Variants in DIAPH2 observed in about 807,000 individuals in gnomAD.
DIAPH2 encodes the protein protein diaphanous homolog 2.
Under a neutral mutation model 92.7 loss-of-function variants are expected in DIAPH2, and 35 were observed. The ratio of observed to expected loss-of-function variants is 0.38; its 90% confidence interval spans 0.29 to 0.50. The LOEUF (loss-of-function observed/expected upper bound fraction) is 0.50, where lower values mean the gene tolerates loss of function less well. Among genes scored for constraint, DIAPH2 ranks in the 20% least tolerant of loss-of-function variants. DIAPH2 has a pLI of 0.94. For missense variants in DIAPH2, 701 were observed against 819.5 expected (o/e 0.86, Z 1.77); for synonymous variants, 301 against 280.4 (o/e 1.07, Z -0.73).
In DIAPH2 at chrX:97,517,479, C is replaced by G. The variant is rs568412848; in HGVS notation, c.3242-81774C>G. 2.7e-5 allele frequency among the ~76,000 whole-genome samples: 3 copies of G among 111,511 alleles called. No individual in the cohort carries two copies. In the South Asian group the frequency reaches 1.1e-3, roughly 42 times the overall value. On this transcript the variant is annotated intron_variant, in intron 26 of 26. Coordinates refer to ENST00000324765, the MANE Select transcript of DIAPH2 (RefSeq NM_006729.5). ...GTAAGGCTGAGAATCATTGACAGAA[C>G]CTAAAGGGAGGGAAAAAAGTCATCT...
chrX:97,361,403 T>C (rs2069324286), intron 24 of DIAPH2, among the ~76,000 whole-genome samples: 1 of 112,089 alleles, frequency 8.9e-6, no homozygotes, highest in South Asian at 3.7e-4. Context: ...TATGTAGATA[T>C]TATTGCTCAA....
At chrX:97,473,483 C>T (rs1231898898) in intron 26 of DIAPH2, among the ~76,000 whole-genome samples, 1 of 111,071 alleles carries the variant, frequency 9.0e-6, no homozygotes, top group Non-Finnish European at 1.9e-5. Context: ...TACAGACGCC[C>T]GCCACCATGC....
intron 26 of DIAPH2, among the ~76,000 whole-genome samples, chrX:97,499,093 C>A (rs1442245064): frequency 9.0e-6 from 1 of 111,571 alleles, no homozygotes; most frequent in African/African-American, 3.3e-5. Context: ...GAAGGTAGAT[C>A]CAAGGAGAAG....
intron 4 of DIAPH2, among the ~76,000 whole-genome samples, chrX:96,814,141 C>G (rs1357930160): frequency 9.0e-6 from 1 of 111,694 alleles, no homozygotes; most frequent in African/African-American, 3.3e-5. Context: ...TTCCATTCTC[C>G]CTGTCACTTT....
intron 17 of DIAPH2, among the ~76,000 whole-genome samples, chrX:97,035,492 A>G (rs1416274702): frequency 8.9e-6 from 1 of 112,107 alleles, no homozygotes; most frequent in Non-Finnish European, 1.9e-5. Flanking sequence ...AACAGTAGCT[A>G]TCCTTCATTT....
chrX:96,720,294 T>C (rs867806696), intron 1 of DIAPH2, among the ~76,000 whole-genome samples: 8 of 111,556 alleles, frequency 7.2e-5, no homozygotes, highest in Admixed American at 5.7e-4. Context: ...AATTCTATCC[T>C]TCTGGGCTCA....
chrX:96,884,229 C>A, intron 5 of DIAPH2: 2 of 861,871 alleles, frequency 2.3e-6, no homozygotes, highest in Admixed American at 3.0e-5. Flanking sequence ...AGCTCGAAGC[C>A]TTCTGTGGAG....
intron 4 of DIAPH2, among the ~76,000 whole-genome samples, chrX:96,789,072 A>G (rs955095831): frequency 8.9e-6 from 1 of 112,422 alleles, no homozygotes; most frequent in African/African-American, 3.2e-5. Context: ...TATTACAGTG[A>G]CATAGTAGAG....
chrX:97,048,405 A>G (rs1043673866), intron 17 of DIAPH2, among the ~76,000 whole-genome samples: 4 of 111,934 alleles, frequency 3.6e-5, no homozygotes, highest in South Asian at 3.7e-4. Flanking sequence ...GTTCTTAGCC[A>G]GAATTCAGCA....
At chrX:97,213,884 A>G (rs932040098) in intron 22 of DIAPH2, among the ~76,000 whole-genome samples, 13 of 112,044 alleles carry the variant, frequency 1.2e-4, no homozygotes, top group Admixed American at 9.5e-4. Flanking sequence ...ATATTCACTC[A>G]TATTAATATT....
rs182012319 is a variant in DIAPH2 at position 97,027,676 on chromosome X, C to T, written c.2051-45265C>T. Among the ~76,000 whole-genome samples, 14 of 112,136 alleles carry T rather than the reference C, an allele frequency of 1.2e-4. No individual in the cohort carries two copies. In the East Asian group the frequency reaches 3.7e-3, roughly 29 times the overall value. On this transcript the variant is annotated intron_variant, in intron 17 of 26. Coordinates refer to ENST00000324765, the MANE Select transcript of DIAPH2 (RefSeq NM_006729.5). ...TGTGTAAAGTTTTTGTCTGGAAAGTCGCTGTGCAAACAGTAGCTGTTCCAT... is the reference window on the plus strand; with the variant it reads ...TGTGTAAAGTTTTTGTCTGGAAAGTTGCTGTGCAAACAGTAGCTGTTCCAT...
intron 8 of DIAPH2, 139 bp from the exon 9 acceptor site, chrX:96,918,370 A>T: frequency 7.4e-6 from 3 of 408,028 alleles, no homozygotes; most frequent in Non-Finnish European, 1.3e-5. Flanking sequence ...AAAAAAGCAA[A>T]TGATAATTTT....
intron 20 of DIAPH2, among the ~76,000 whole-genome samples, chrX:97,110,705 C>T (rs1281741471): frequency 1.8e-5 from 2 of 111,132 alleles, no homozygotes; most frequent in Admixed American, 1.9e-4. Context: ...CCCTATTTGC[C>T]GGGTGCAGTG....
chrX:96,844,180 T>G lies in DIAPH2; in HGVS notation c.448-37399T>G, dbSNP rs762807170. Reference sequence around the variant, plus strand: ...ATTTCAATATTTTCTCTGTAATATTTGATACTCCATTAATTTCATTAACAA... The same window carrying G: ...ATTTCAATATTTTCTCTGTAATATTGGATACTCCATTAATTTCATTAACAA... On this transcript the variant is annotated intron_variant, in intron 4 of 26. Coordinates refer to ENST00000324765, the MANE Select transcript of DIAPH2 (RefSeq NM_006729.5). 2.9e-3 allele frequency among the ~76,000 whole-genome samples: 330 copies of G among 112,865 alleles called. 1 individual carries two copies. Among genetic ancestry groups the G allele is most frequent in the Non-Finnish European group, 5.0e-3 (268 of 53,346 alleles).
At chrX:97,596,516 T>C (rs2071552645) in intron 26 of DIAPH2, among the ~76,000 whole-genome samples, 1 of 111,968 alleles carries the variant, frequency 8.9e-6, no homozygotes, top group African/African-American at 3.2e-5. Context: ...ATTAGGAGAA[T>C]GAGACTAGTT....
intron 23 of DIAPH2, among the ~76,000 whole-genome samples, chrX:97,300,856 C>T (rs765051336): frequency 4.3e-5 from 4 of 92,637 alleles, no homozygotes; most frequent in South Asian, 6.0e-4. Context: ...GGCGTGAACC[C>T]GGGAGGCGGA....
Position 96,901,531 on chromosome X carries a change from T to TG in DIAPH2, c.588-10796dup, listed in dbSNP as rs202068095. 2.6e-3 allele frequency among the ~76,000 whole-genome samples: 193 copies of TG among 73,981 alleles called. 14 individuals carry two copies. Among genetic ancestry groups the TG allele is most frequent in the African/African-American group, 9.6e-3 (184 of 19,230 alleles). The allele number at this position is 73,981 out of a possible 115,157, so 64.2% of individuals were successfully genotyped here. A position where few individuals can be genotyped will look rare whatever the true frequency, so the allele number is the denominator to read the frequency against. ...TGGATTTTGTTTGTTCTTTTCTTTCTGTTTTTTTTTTTTTTTTTTTTTTTT... is the reference window on the plus strand; with the variant it reads ...TGGATTTTGTTTGTTCTTTTCTTTCTGGTTTTTTTTTTTTTTTTTTTTTTTT... On this transcript the variant is annotated intron_variant, in intron 5 of 26. Coordinates refer to ENST00000324765, the MANE Select transcript of DIAPH2 (RefSeq NM_006729.5).
At chrX:97,336,932 G>A (rs1461026840) in intron 23 of DIAPH2, among the ~76,000 whole-genome samples, 2 of 89,602 alleles carry the variant, frequency 2.2e-5, no homozygotes, top group Non-Finnish European at 4.9e-5. Context: ...TTATTTAAAA[G>A]CATTTTTTTT....
intron 23 of DIAPH2, among the ~76,000 whole-genome samples, chrX:97,279,890 C>G (rs1283450359): frequency 9.0e-6 from 1 of 111,577 alleles, no homozygotes; most frequent in Non-Finnish European, 1.9e-5. Context: ...TAGCTTTCCT[C>G]TTGGCTTGGT....
Sources: allele counts gnomAD v4.1 joint callset (sites outside exome capture counted in the v4.1 genomes callset), GRCh38; gene constraint gnomAD v4.1.1; transcripts MANE v1.5; gene names NCBI Gene and HGNC (gene_info 2026-07-23, HGNC 2026-07-21).